Variants in ZNF385D observed in about 807,000 individuals in gnomAD.
The protein encoded by ZNF385D is zinc finger protein 659.
A neutral mutation model predicts 35.8 loss-of-function variants in ZNF385D; 15 were observed. The ratio of observed to expected loss-of-function variants is 0.42; its 90% confidence interval spans 0.28 to 0.64. The LOEUF is 0.64. Among genes scored for constraint, ZNF385D ranks in the 30% least tolerant of loss-of-function variants. ZNF385D has a pLI of 0.23. For synonymous variants in ZNF385D, 212 were observed against 186.8 expected, an observed-to-expected ratio of 1.13 and a Z score of -1.10; for missense variants, 474 against 494.6, an observed-to-expected ratio of 0.96 and a Z score of 0.39.
intron 3 of ZNF385D, among the ~76,000 whole-genome samples, chr3:21,993,702 A>G (rs1576107477): frequency 6.6e-6 from 1 of 152,164 alleles, no homozygotes; most frequent in African/African-American, 2.4e-5. Flanking sequence ...GGGAATCACA[A>G]TGCAATGTTC....
At chr3:22,211,636 TGC>T (rs544550623) in intron 2 of ZNF385D, among the ~76,000 whole-genome samples, 41 of 151,650 alleles carry the variant, frequency 2.7e-4, no homozygotes, top group Non-Finnish European at 5.9e-4. Context: ...AAAGAAAGAG[TGC>T]TGCCTTGGGG....
chr3:21,664,466 C>T (rs1458244352), intron 2 of ZNF385D, among the ~76,000 whole-genome samples: 3 of 152,106 alleles, frequency 2.0e-5, no homozygotes, highest in Non-Finnish European at 4.4e-5. Context: ...TGTCAAGGTC[C>T]TATTTATTAA....
intron 3 of ZNF385D, among the ~76,000 whole-genome samples, chr3:21,528,733 C>T (rs1023667958): frequency 7.2e-5 from 11 of 152,082 alleles, no homozygotes; most frequent in Non-Finnish European, 1.5e-4. Context: ...ATACAGCAGC[C>T]AGAGTTACAT....
At chr3:22,281,140 G>C (rs1310640648) in intron 2 of ZNF385D, among the ~76,000 whole-genome samples, 1 of 152,006 alleles carries the variant, frequency 6.6e-6, no homozygotes, top group African/African-American at 2.4e-5. Flanking sequence ...TTTAGGATGA[G>C]TCTTTAGGGT....
intron 4 of ZNF385D, among the ~76,000 whole-genome samples, chr3:21,504,374 A>G (rs1706616184): frequency 6.6e-6 from 1 of 152,182 alleles, no homozygotes; most frequent in Non-Finnish European, 1.5e-5. Context: ...TTTAATGAGA[A>G]CCGCTGTTCT....
chr3:22,076,001 A>G (rs1047793905), intron 3 of ZNF385D, among the ~76,000 whole-genome samples: 1 of 151,858 alleles, frequency 6.6e-6, no homozygotes, highest in African/African-American at 2.4e-5. Flanking sequence ...TACAAATGCA[A>G]ACTGCAAAAT....
intron 2 of ZNF385D, among the ~76,000 whole-genome samples, chr3:21,600,110 A>G (rs573129578): frequency 4.1e-4 from 62 of 152,354 alleles, no homozygotes; most frequent in African/African-American, 1.5e-3. Context: ...TCAGGAATTT[A>G]CCCTATATGG....
intron 7 of ZNF385D, among the ~76,000 whole-genome samples, chr3:21,422,255 T>C (rs1310252119): frequency 6.6e-6 from 1 of 152,250 alleles, no homozygotes; most frequent in Admixed American, 6.5e-5. Context: ...TGGACAGAGA[T>C]AGCATTCAGG....
chr3:22,145,759 G>C (rs1576398539), intron 3 of ZNF385D, among the ~76,000 whole-genome samples: 1 of 152,310 alleles, frequency 6.6e-6, no homozygotes, highest in East Asian at 1.9e-4. Context: ...ACCAGGAAAT[G>C]ATGCTTCAGA....
intron 2 of ZNF385D, chr3:22,169,076 T>A: frequency 2.2e-6 from 2 of 913,290 alleles, no homozygotes; most frequent in Non-Finnish European, 2.6e-6. Context: ...AGATCAAGAT[T>A]TTTAGATTAC....
chr3:22,168,041 A>T (rs1235338414), intron 3 of ZNF385D, among the ~76,000 whole-genome samples: 1 of 152,218 alleles, frequency 6.6e-6, no homozygotes, highest in Admixed American at 6.5e-5. Flanking sequence ...TGTCAAATAT[A>T]GGAAGAGATT....
intron 3 of ZNF385D, among the ~76,000 whole-genome samples, chr3:21,790,580 G>A (rs1028375898): frequency 6.6e-6 from 1 of 152,184 alleles, no homozygotes; most frequent in Non-Finnish European, 1.5e-5. Flanking sequence ...GGGCACAGAA[G>A]ATGTGCAGTC....
chr3:22,269,921 C>A (rs549857763), intron 2 of ZNF385D, among the ~76,000 whole-genome samples: 1 of 151,874 alleles, frequency 6.6e-6, no homozygotes, highest in African/African-American at 2.4e-5. Context: ...TTATCCTGTG[C>A]TGATAGCTTT....
rs534071424 is a variant in ZNF385D at position 21,890,100 on chromosome 3, T to C, written c.326-225072A>G. Among the ~76,000 whole-genome samples the C allele has an allele frequency of 5.9e-5, 9 of 152,296 alleles. No homozygotes were observed. The East Asian group carries it at 1.7e-3, about 29-fold the overall frequency. On this transcript the variant is annotated intron_variant, in intron 3 of 5. Coordinates refer to the ZNF385D transcript ENST00000494108. Reference sequence around the variant, plus strand: ...ATCAAATTCAGCTGTACTGTGGATTTGGCTTCAAACATATATATATCTTTT... The same window carrying C: ...ATCAAATTCAGCTGTACTGTGGATTCGGCTTCAAACATATATATATCTTTT...
chr3:22,343,243 T>G (rs1695503123), intron 2 of ZNF385D, among the ~76,000 whole-genome samples: 1 of 152,214 alleles, frequency 6.6e-6, no homozygotes, highest in Non-Finnish European at 1.5e-5. Context: ...AAACCATTAG[T>G]GTCTTTGAAA....
chr3:21,437,146 C>G lies in ZNF385D; in HGVS notation c.497G>C (p.Ser166Thr), dbSNP rs1352931272. ...GGTGATCTCAGTTGTCATAACACTG[C>G]TTTTGCGGATTTCCACAGTTGTCGT... The part of the protein sequence containing the change: ...STTTTVEIRK[S>T]SVMTTEITSK... Residue 166 changes from serine to threonine, a missense_variant, in exon 5 of 8, where the codon AGC becomes ACC. Physicochemically the swap from Ser to Thr is moderately conservative, Grantham distance 58 (BLOSUM62 1). Coordinates refer to ENST00000281523, the MANE Select transcript of ZNF385D (RefSeq NM_024697.3). The G allele has an allele frequency of 2.5e-5, 41 of 1,613,750 alleles. No homozygotes were observed. Among genetic ancestry groups the G allele is most frequent in the Non-Finnish European group, 3.2e-5 (38 of 1,179,894 alleles).
intron 1 of ZNF385D, among the ~76,000 whole-genome samples, chr3:21,686,261 G>C (rs1438003940): frequency 1.3e-5 from 2 of 152,088 alleles, no homozygotes; most frequent in Non-Finnish European, 2.9e-5. Flanking sequence ...ACACCAAATT[G>C]TTATTGTGTT....
At chr3:21,836,363 A>G (rs1213188525) in intron 3 of ZNF385D, among the ~76,000 whole-genome samples, 1 of 152,098 alleles carries the variant, frequency 6.6e-6, no homozygotes. Flanking sequence ...CCCTAAGCAA[A>G]CTTAGGACAT....
intron 1 of ZNF385D, among the ~76,000 whole-genome samples, chr3:21,742,553 G>A (rs890973389): frequency 2.6e-5 from 4 of 152,132 alleles, no homozygotes; most frequent in South Asian, 2.1e-4. Flanking sequence ...AGTCGGCCTC[G>A]GCTCAGTTCT....
Sources: allele counts gnomAD v4.1 joint callset (sites outside exome capture counted in the v4.1 genomes callset), GRCh38; gene constraint gnomAD v4.1.1; transcripts MANE v1.5; gene names NCBI Gene and HGNC (gene_info 2026-07-23, HGNC 2026-07-21).